PCDHA1: variants seen among roughly 807,000 people sequenced by gnomAD.
PCDHA1 encodes protocadherin alpha-1.
Under a neutral mutation model 61.3 loss-of-function variants are expected in PCDHA1, and 42 were observed. That is an observed-to-expected ratio of 0.69 (90% CI 0.54 to 0.89). The LOEUF (loss-of-function observed/expected upper bound fraction) is 0.89. PCDHA1 is among the 40% of genes least tolerant of loss of function. The pLI is 0.00. For synonymous variants in PCDHA1, 610 were observed against 553.8 expected (o/e 1.10, Z -1.43); for missense variants, 1,256 against 1,235.3 (o/e 1.02, Z -0.25).
intron 1 of PCDHA1, among the ~76,000 whole-genome samples, chr5:140,949,420 G>A (rs1219049825): frequency 6.6e-6 from 1 of 151,726 alleles, no homozygotes; most frequent in African/African-American, 2.4e-5. Context: ...TCATCATTGT[G>A]TTTATCTCTT....
chr5:140,916,871 T>C (rs1321229691), intron 1 of PCDHA1, among the ~76,000 whole-genome samples: 1 of 152,162 alleles, frequency 6.6e-6, no homozygotes, highest in African/African-American at 2.4e-5. Context: ...ACCTAGGAAT[T>C]GCAATCCTTG....
At chr5:140,869,899 G>T in intron 1 of PCDHA1, 1 of 1,610,464 alleles carries the variant, frequency 6.2e-7, no homozygotes, top group South Asian at 1.1e-5. Flanking sequence ...CAAACTAAAC[G>T]CCACAGACCG....
chr5:140,804,881 C>A, intron 1 of PCDHA1: 1 of 583,968 alleles, frequency 1.7e-6, no homozygotes, highest in Non-Finnish European at 2.7e-6. Flanking sequence ...TTTCTTGACT[C>A]CTCTCCTTCC....
chr5:140,840,181 T>C (rs1398905291), intron 1 of PCDHA1, among the ~76,000 whole-genome samples: 1 of 151,970 alleles, frequency 6.6e-6, no homozygotes, highest in African/African-American at 2.4e-5. Context: ...AAATTTTAAA[T>C]ATGGTAGGCA....
At chr5:140,801,106 C>A in intron 1 of PCDHA1, 1 of 1,507,684 alleles carries the variant, frequency 6.6e-7, no homozygotes, top group Non-Finnish European at 8.8e-7. Context: ...AATTTAACAC[C>A]GAGGAGTTTA....
intron 1 of PCDHA1, chr5:140,803,168 C>G (rs1763134104): frequency 6.2e-7 from 1 of 1,613,918 alleles, no homozygotes; most frequent in South Asian, 1.1e-5. Context: ...ACGGTGAACC[C>G]TCATTGACCG....
rs17844237 is a variant in PCDHA1, at chr5:140,786,972, C to G, written c.682C>G (p.Leu228Val). 1 of 1,614,142 alleles carries G rather than the reference C, an allele frequency of 6.2e-7. No individual in the cohort carries two copies. The highest frequency in any genetic ancestry group is 1.1e-5 in the South Asian group (1 of 91,082). Residue 228 changes from leucine (L) to valine (V), a missense_variant, in exon 1 of 4, where the codon CTG (leucine) becomes GTG (valine). Physicochemically the swap from Leu to Val is conservative, Grantham distance 32. Transcript: ENST00000504120. Reference sequence around the variant, plus strand: ...ACCGGAGCTGCAAGGTACAGTTGAGCTGCTGATCACCGTCCTCGACGTTAA... The same window carrying G: ...ACCGGAGCTGCAAGGTACAGTTGAGGTGCTGATCACCGTCCTCGACGTTAA... ...GKPELQGTVE[L>V]LITVLDVNDN...
chr5:140,869,999 G>A, intron 1 of PCDHA1: 1 of 1,613,514 alleles, frequency 6.2e-7, no homozygotes, highest in Non-Finnish European at 8.5e-7. Context: ...CAAAATAATG[G>A]AGAAGTGAGG....
chr5:140,988,308 G>T (rs75602297), intron 3 of PCDHA1, among the ~76,000 whole-genome samples: 1,856 of 152,298 alleles, frequency 0.012, 44 homozygotes, highest in African/African-American at 0.043. Context: ...TGCCAGCTTG[G>T]CTTGGCTTTC....
At chr5:141,004,492 A>G (rs2098168083) in intron 3 of PCDHA1, among the ~76,000 whole-genome samples, 2 of 152,230 alleles carry the variant, frequency 1.3e-5, no homozygotes, top group South Asian at 2.1e-4. Context: ...AACTCTTGGC[A>G]GTCCTGCTGT....
Position 140,968,052 on chromosome 5 carries a change from G to A in PCDHA1, c.2395-10897G>A, listed in dbSNP as rs990784546. ...CTGGTGGTGAGCGGCCCACTGGACC[G>A]AGAGCGGGTGGCTGTCTACAACATC... On this transcript the variant is annotated intron_variant, in intron 1 of 3. Transcript: ENST00000504120. The A allele has an allele frequency of 5.0e-6, 8 of 1,614,014 alleles. No homozygotes were observed. In the Admixed American group the frequency reaches 5.0e-5, roughly 10 times the overall value.
intron 1 of PCDHA1, among the ~76,000 whole-genome samples, chr5:140,954,988 A>G (rs554115730): frequency 2.0e-5 from 3 of 152,204 alleles, no homozygotes; most frequent in Admixed American, 6.5e-5. Context: ...AATTTTCTGC[A>G]TATGGCTAGC....
At chr5:140,969,175 T>C in intron 1 of PCDHA1, 7 of 1,613,046 alleles carry the variant, frequency 4.3e-6, no homozygotes, top group Non-Finnish European at 5.9e-6. Context: ...GCTCAGGGAG[T>C]GACACTTTCA....
intron 1 of PCDHA1, among the ~76,000 whole-genome samples, chr5:140,806,506 T>G (rs781804257): frequency 1.3e-5 from 2 of 152,338 alleles, no homozygotes; most frequent in South Asian, 4.1e-4. Context: ...AAGGAAGACA[T>G]CTAATTAAAT....
At chr5:140,808,385 A>C (rs534285783) in intron 1 of PCDHA1, 1 of 1,614,148 alleles carries the variant, frequency 6.2e-7, no homozygotes. Context: ...GCTGGTGTCC[A>C]CCTTCAAGAA....
At position 140,850,679 on chromosome 5, in the gene PCDHA1, C is replaced by G. The variant is rs1439060369; in HGVS notation, c.2394+61995C>G. 22 of 1,598,382 alleles carry G rather than the reference C, an allele frequency of 1.4e-5. 2 individuals are homozygous for G. The highest frequency in any genetic ancestry group is 1.6e-5 in the Non-Finnish European group (19 of 1,167,880). The stretch of plus-strand genomic sequence containing the variant: ...TGCTGCGGTGCTCGGCGATGCCCAC[C>G]GAGGGCGAGTGCGCGCCTGGCAAGC... On this transcript the variant is annotated intron_variant, in intron 1 of 3. Coordinates refer to ENST00000504120, the MANE Select transcript of PCDHA1 (RefSeq NM_018900.4).
chr5:140,900,831 T>G (rs1554189475), intron 1 of PCDHA1, among the ~76,000 whole-genome samples: 1 of 152,198 alleles, frequency 6.6e-6, no homozygotes, highest in Non-Finnish European at 1.5e-5. Context: ...CCACCAACAA[T>G]GTACAAAGTT....
chr5:140,893,388 CATG>C (rs2063965035), intron 1 of PCDHA1, among the ~76,000 whole-genome samples: 1 of 152,132 alleles, frequency 6.6e-6, no homozygotes, highest in South Asian at 2.1e-4. Context: ...GACAGTGGCT[CATG>C]CCTGTAATCC....
intron 1 of PCDHA1, chr5:140,829,501 G>A (rs2150169011): frequency 4.3e-6 from 7 of 1,613,442 alleles, no homozygotes; most frequent in Middle Eastern, 1.8e-4. Context: ...ACAACCCGCC[G>A]GGCTGCCACA....
Sources: gnomAD v4.1 joint callset for allele counts (sites outside exome capture counted in the v4.1 genomes callset) on GRCh38, gnomAD v4.1.1 for gene constraint, MANE v1.5 for transcripts, NCBI Gene and HGNC (gene_info 2026-07-23, HGNC 2026-07-21) for gene names.